The following GALNT17 variants were observed in gnomAD, a reference collection of about 807,000 sequenced individuals.
The protein encoded by GALNT17 is polypeptide N-acetylgalactosaminyltransferase 17, also known as UDP-GalNAc:polypeptide N-acetylgalactosaminyltransferase-like 3.
Under a neutral mutation model 63.7 loss-of-function variants are expected in GALNT17, and 29 were observed. That is an observed-to-expected ratio of 0.46 (90% CI 0.34 to 0.62). The LOEUF (loss-of-function observed/expected upper bound fraction) is 0.62, where lower values mean the gene tolerates loss of function less well. Among genes scored for constraint, GALNT17 ranks in the 20% least tolerant of loss-of-function variants. The pLI, the probability that GALNT17 is intolerant of heterozygous loss-of-function variation, is 0.01. For missense variants in GALNT17, 603 were observed against 799.6 expected (o/e 0.75, Z 2.97); for synonymous variants, 305 against 318.3 (o/e 0.96, Z 0.45).
At chr7:71,387,111 G>A (rs1792959594) in intron 2 of GALNT17, among the ~76,000 whole-genome samples, 1 of 151,858 alleles carries the variant, frequency 6.6e-6, no homozygotes, top group South Asian at 2.1e-4. Context: ...TGCTCCTGTG[G>A]GTGATGGGGG....
At chr7:71,365,263 C>T (rs1417562799) in intron 2 of GALNT17, among the ~76,000 whole-genome samples, 2 of 151,912 alleles carry the variant, frequency 1.3e-5, no homozygotes, top group Non-Finnish European at 2.9e-5. Context: ...TTTTTTGAAA[C>T]AGAGTCTCGC....
chr7:71,290,025 A>G (rs1191654761), intron 1 of GALNT17, among the ~76,000 whole-genome samples: 1 of 152,204 alleles, frequency 6.6e-6, no homozygotes, highest in Non-Finnish European at 1.5e-5. Flanking sequence ...AGCATGGGCA[A>G]CGAAGCAAGA....
At chr7:71,519,170 G>A (rs1203260213) in intron 5 of GALNT17, among the ~76,000 whole-genome samples, 1 of 152,164 alleles carries the variant, frequency 6.6e-6, no homozygotes, top group East Asian at 1.9e-4. Context: ...GCTCAGCAGT[G>A]TTCCAAGTAG....
rs550083344 is a variant in GALNT17 at position 71,486,630 on chromosome 7, C to T, written c.962+65525C>T. ...TTCACACCTACAATCAAAAGGCAGG[C>T]GGATTGCTTGAGCCCAGCAGTTCAA... On this transcript the variant is annotated intron_variant, in intron 5 of 10. Coordinates refer to ENST00000333538, the MANE Select transcript of GALNT17 (RefSeq NM_022479.3). 1.1e-4 allele frequency among the ~76,000 whole-genome samples: 17 copies of T among 151,100 alleles called. No homozygotes were observed. In the South Asian group the frequency reaches 2.1e-3, roughly 19 times the overall value.
chr7:71,388,514 G>A (rs1792991925), intron 3 of GALNT17, 113 bp downstream of exon 3: 5 of 1,295,722 alleles, frequency 3.9e-6, no homozygotes, highest in Admixed American at 2.6e-5. Context: ...AGCATATCTG[G>A]GGAAGGGATA....
At chr7:71,233,120 C>T (rs951304771) in intron 1 of GALNT17, among the ~76,000 whole-genome samples, 8 of 152,142 alleles carry the variant, frequency 5.3e-5, no homozygotes, top group Non-Finnish European at 7.4e-5. Context: ...GAAATATTCC[C>T]GTGTTCGGCT....
intron 6 of GALNT17, among the ~76,000 whole-genome samples, chr7:71,582,480 C>T (rs1379330036): frequency 3.3e-5 from 5 of 151,122 alleles, no homozygotes; most frequent in Admixed American, 1.3e-4. Context: ...ACTCGGGAGG[C>T]TGAGGAAGGG....
intron 6 of GALNT17, among the ~76,000 whole-genome samples, chr7:71,604,491 C>A (rs1271547949): frequency 6.6e-6 from 1 of 152,202 alleles, no homozygotes; most frequent in African/African-American, 2.4e-5. Flanking sequence ...ATTCTTAGAA[C>A]TGACCAATGA....
chr7:71,233,481 G>A (rs1257663146), intron 1 of GALNT17, among the ~76,000 whole-genome samples: 3 of 152,180 alleles, frequency 2.0e-5, no homozygotes, highest in African/African-American at 2.4e-5. Flanking sequence ...GAATTAAATT[G>A]CAAAGAGAGA....
chr7:71,540,991 C>T (rs1788881047), intron 5 of GALNT17, among the ~76,000 whole-genome samples: 1 of 152,072 alleles, frequency 6.6e-6, no homozygotes. Context: ...GGAATCCCAG[C>T]ACTTTGGGAG....
chr7:71,456,042 A>G (rs1479496746), intron 5 of GALNT17, among the ~76,000 whole-genome samples: 1 of 151,860 alleles, frequency 6.6e-6, no homozygotes, highest in Non-Finnish European at 1.5e-5. Flanking sequence ...GGTCAGGAGT[A>G]TGAGACCAGT....
intron 9 of GALNT17, among the ~76,000 whole-genome samples, chr7:71,700,201 A>G (rs1791610072): frequency 6.6e-6 from 1 of 151,944 alleles, no homozygotes; most frequent in Admixed American, 6.6e-5. Flanking sequence ...CCAGATACTC[A>G]GGAGGCTAAG....
intron 1 of GALNT17, among the ~76,000 whole-genome samples, chr7:71,246,210 C>G (rs995308698): frequency 3.4e-5 from 5 of 148,898 alleles, no homozygotes; most frequent in Admixed American, 1.4e-4. Context: ...CAACCTCCAC[C>G]TCCTGGACTC....
intron 1 of GALNT17, among the ~76,000 whole-genome samples, chr7:71,334,377 G>A (rs947569411): frequency 2.0e-5 from 3 of 152,076 alleles, no homozygotes; most frequent in Non-Finnish European, 4.4e-5. Context: ...AAGCCAAGGA[G>A]GCTGGTCCTT....
intron 1 of GALNT17, among the ~76,000 whole-genome samples, chr7:71,135,640 C>T (rs1338881523): frequency 2.6e-5 from 4 of 152,238 alleles, no homozygotes. Context: ...CCGCCCAGGT[C>T]TCAGGTGAAG....
rs367834357 is a variant in GALNT17, at chr7:71,677,312, A to T, written c.1500+6A>T. Reference sequence around the variant, plus strand: ...GCCATGGCTGGGGACCACAGGTAGGAGCTCGTCTCTGACCAGGAAGGAAGT... The same window carrying T: ...GCCATGGCTGGGGACCACAGGTAGGTGCTCGTCTCTGACCAGGAAGGAAGT... On this transcript the variant is annotated splice_donor_region_variant and intron_variant, in intron 9 of 10. Transcript: ENST00000333538. The T allele has an allele frequency of 9.2e-5, 148 of 1,613,032 alleles. No homozygotes were observed. Among genetic ancestry groups the T allele is most frequent in the Non-Finnish European group, 1.3e-4 (148 of 1,179,462 alleles).
intron 1 of GALNT17, among the ~76,000 whole-genome samples, chr7:71,332,825 G>T (rs1272473982): frequency 6.6e-6 from 1 of 152,130 alleles, no homozygotes; most frequent in Non-Finnish European, 1.5e-5. Context: ...CCGAGTAGCT[G>T]GGATTACAGG....
intron 5 of GALNT17, among the ~76,000 whole-genome samples, chr7:71,480,715 C>T (rs536293181): frequency 2.6e-5 from 4 of 152,162 alleles, no homozygotes; most frequent in East Asian, 1.9e-4. Context: ...ACATGTTGGC[C>T]GGGCTGGTCT....
intron 3 of GALNT17, among the ~76,000 whole-genome samples, chr7:71,409,817 T>A (rs200320395): frequency 6.6e-6 from 1 of 152,112 alleles, no homozygotes; most frequent in African/African-American, 2.4e-5. Flanking sequence ...CAGGAAGAGA[T>A]CCTCAAATCC....
Sources: allele counts gnomAD v4.1 joint callset (sites outside exome capture counted in the v4.1 genomes callset), GRCh38; gene constraint gnomAD v4.1.1; transcripts MANE v1.5; gene names NCBI Gene and HGNC (gene_info 2026-07-23, HGNC 2026-07-21).